Variants in PTPRD observed in about 807,000 individuals in gnomAD.
The protein encoded by PTPRD is receptor-type tyrosine-protein phosphatase delta.
In PTPRD, 34 loss-of-function variants were observed where a neutral mutation model predicts 214.5. That is an observed-to-expected ratio of 0.16 (90% CI 0.12 to 0.21). The LOEUF (loss-of-function observed/expected upper bound fraction) is 0.21. PTPRD is among the 10% of genes least tolerant of loss of function. The pLI is 1.00. For missense variants in PTPRD, 2,545 were observed against 2,398.7 expected, an observed-to-expected ratio of 1.06 and a Z score of -1.27; for synonymous variants, 1,128 against 845.7, an observed-to-expected ratio of 1.33 and a Z score of -5.79.
chr9:10,497,139 G>A (rs777434415), intron 2 of PTPRD, among the ~76,000 whole-genome samples: 1 of 151,770 alleles, frequency 6.6e-6, no homozygotes, highest in Non-Finnish European at 1.5e-5. Flanking sequence ...AGATGCTGCA[G>A]GCTAATAGAG....
chr9:8,905,461 G>A (rs777691817), intron 11 of PTPRD, among the ~76,000 whole-genome samples: 5 of 151,962 alleles, frequency 3.3e-5, no homozygotes, highest in Non-Finnish European at 7.4e-5. Flanking sequence ...TTAGCCAGCC[G>A]GACGTCGTGG....
intron 11 of PTPRD, among the ~76,000 whole-genome samples, chr9:8,789,364 A>C (rs2154504535): frequency 6.6e-6 from 1 of 152,346 alleles, no homozygotes; most frequent in African/African-American, 2.4e-5. Context: ...GACTTCCTTC[A>C]GTAGTTGGAT....
chr9:10,049,407 A>AAAAAGAAAGAAAGAAAG (rs1555515116), intron 3 of PTPRD, among the ~76,000 whole-genome samples: 5 of 115,736 alleles, frequency 4.3e-5, no homozygotes, highest in East Asian at 2.5e-4. Flanking sequence ...TTAAAAAAAA[A>AAAAAGAAAGAAAGAAAG]AAAGAAAGAA....
At chr9:8,492,646 T>TG (rs1214828130) in intron 27 of PTPRD, among the ~76,000 whole-genome samples, 1 of 149,704 alleles carries the variant, frequency 6.7e-6, no homozygotes, top group Non-Finnish European at 1.5e-5. Context: ...ACTTATTGAA[T>TG]GACTGATTGA....
At chr9:10,560,781 T>C (rs2063760265) in intron 2 of PTPRD, among the ~76,000 whole-genome samples, 1 of 152,052 alleles carries the variant, frequency 6.6e-6, no homozygotes, top group South Asian at 2.1e-4. Flanking sequence ...AAATTACAAA[T>C]TTAGTTCCTC....
chr9:9,534,977 A>T (rs2076226854), intron 8 of PTPRD, among the ~76,000 whole-genome samples: 1 of 152,066 alleles, frequency 6.6e-6, no homozygotes, highest in Non-Finnish European at 1.5e-5. Flanking sequence ...ACAAGTTCCC[A>T]CCGTTATGAA....
At chr9:8,858,101 CTCCTCCTCCTCT>C (rs1232459265) in intron 11 of PTPRD, 2 of 164,360 alleles carry the variant, frequency 1.2e-5, no homozygotes, top group Non-Finnish European at 2.6e-5. Context: ...CCCCCTCCTC[CTCCTCCTCCTCT>C]TCCTCCTCCT....
chr9:9,531,288 A>T (rs1032398122), intron 8 of PTPRD, among the ~76,000 whole-genome samples: 1 of 152,176 alleles, frequency 6.6e-6, no homozygotes, highest in Non-Finnish European at 1.5e-5. Context: ...AGTTACAAAG[A>T]TAGTGTCATT....
At chr9:8,764,640 C>T (rs756143923) in intron 11 of PTPRD, among the ~76,000 whole-genome samples, 12 of 151,720 alleles carry the variant, frequency 7.9e-5, no homozygotes, top group Admixed American at 3.3e-4. Context: ...TACTAAAATA[C>T]GAAAATTAAC....
rs139302049 is a variant in PTPRD at position 10,039,412 on chromosome 9, G to A, written c.-544-5622C>T. Among the ~76,000 whole-genome samples, 74 of 151,960 alleles carry A rather than the reference G, an allele frequency of 4.9e-4. 1 individual carries two copies. Among genetic ancestry groups the A allele is most frequent in the Non-Finnish European group, 9.4e-4 (64 of 67,938 alleles). ...AAAAAGGACCTATATGAGTTTTCTC[G>A]ACCAAAATGTAAGGTATATAAATCT... On this transcript the variant is annotated intron_variant, in intron 3 of 45. Coordinates refer to ENST00000381196, the MANE Select transcript of PTPRD (RefSeq NM_002839.4).
intron 4 of PTPRD, among the ~76,000 whole-genome samples, chr9:9,940,307 T>C (rs1400557845): frequency 6.6e-6 from 1 of 152,152 alleles, no homozygotes; most frequent in African/African-American, 2.4e-5. Flanking sequence ...CCCTTACCTC[T>C]GGTTTCTTGA....
At chr9:10,037,062 G>C (rs563913777) in intron 3 of PTPRD, among the ~76,000 whole-genome samples, 16 of 151,612 alleles carry the variant, frequency 1.1e-4, no homozygotes, top group South Asian at 8.3e-4. Context: ...ATTTTTTAAT[G>C]TTTTGTTTTG....
At chr9:9,968,775 C>T (rs10978140) in intron 4 of PTPRD, among the ~76,000 whole-genome samples, 8,390 of 152,152 alleles carry the variant, frequency 0.055, 239 homozygotes, top group African/African-American at 0.062. Context: ...TAGCACAACG[C>T]CGTTAATCTC....
chr9:8,373,864 GTCTATCTATCTATCTA>G (rs368216657), intron 39 of PTPRD, among the ~76,000 whole-genome samples: 3,990 of 107,864 alleles, frequency 0.037, 83 homozygotes, highest in Non-Finnish European at 0.047. Flanking sequence ...GTGTCTGTCT[GTCTATCTATCTATCTA>G]TCTATCTATC....
At chr9:9,179,607 T>C (rs1031391936) in intron 10 of PTPRD, among the ~76,000 whole-genome samples, 1 of 152,098 alleles carries the variant, frequency 6.6e-6, no homozygotes, top group Non-Finnish European at 1.5e-5. Flanking sequence ...GTTTAGACAT[T>C]GTGGGAAATG....
At chr9:8,522,096 G>A (rs1371801592) in intron 19 of PTPRD, among the ~76,000 whole-genome samples, 1 of 152,160 alleles carries the variant, frequency 6.6e-6, no homozygotes, top group Non-Finnish European at 1.5e-5. Context: ...CATAGTGGAT[G>A]CAGCCTCAAG....
At chr9:8,670,185 G>A (rs1029513713) in intron 12 of PTPRD, among the ~76,000 whole-genome samples, 15 of 151,980 alleles carry the variant, frequency 9.9e-5, no homozygotes, top group South Asian at 4.1e-4. Context: ...CTTATTTAAC[G>A]AAAATCCCTA....
chr9:8,697,618 T>C (rs1432764447), intron 12 of PTPRD, among the ~76,000 whole-genome samples: 1 of 151,750 alleles, frequency 6.6e-6, no homozygotes, highest in Admixed American at 6.6e-5. Flanking sequence ...AGATGAGTTT[T>C]CACCATGTTG....
intron 3 of PTPRD, among the ~76,000 whole-genome samples, chr9:10,035,835 T>C (rs1025719067): frequency 2.7e-5 from 4 of 150,436 alleles, no homozygotes; most frequent in Non-Finnish European, 5.9e-5. Context: ...AAAAAAAAAA[T>C]AGGCATGAAA....
Sources: allele counts gnomAD v4.1 joint callset (sites outside exome capture counted in the v4.1 genomes callset), GRCh38; gene constraint gnomAD v4.1.1; transcripts MANE v1.5; gene names NCBI Gene and HGNC (gene_info 2026-07-23, HGNC 2026-07-21).